KIF20B: variants seen among roughly 807,000 people sequenced by gnomAD.
KIF20B encodes kinesin-like protein KIF20B.
Under a neutral mutation model 232.5 loss-of-function variants are expected in KIF20B, and 188 were observed. That is an observed-to-expected ratio of 0.81 (90% CI 0.72 to 0.91). The LOEUF (loss-of-function observed/expected upper bound fraction) is 0.91, where lower values mean the gene tolerates loss of function less well. Among genes scored for constraint, KIF20B ranks in the 40% least tolerant of loss-of-function variants. The pLI, the probability that KIF20B is intolerant of heterozygous loss-of-function variation, is 0.00. For missense variants in KIF20B, 2,154 were observed against 2,055.9 expected, an observed-to-expected ratio of 1.05 and a Z score of -0.92; for synonymous variants, 712 against 683.0, an observed-to-expected ratio of 1.04 and a Z score of -0.66.
chr10:89,759,331 C>A (rs1278863701), intron 27 of KIF20B, among the ~76,000 whole-genome samples: 1 of 151,950 alleles, frequency 6.6e-6, no homozygotes, highest in East Asian at 1.9e-4. Context: ...ATGAGTCATT[C>A]AGCTGTTACT....
intron 7 of KIF20B, among the ~76,000 whole-genome samples, chr10:89,714,433 G>A (rs1269784684): frequency 6.6e-6 from 1 of 151,960 alleles, no homozygotes; most frequent in East Asian, 1.9e-4. Flanking sequence ...AGCCGAGATC[G>A]CGCCACTGCA....
chr10:89,751,285 TTAAGAAAAATTGGA>T (rs77314138), intron 23 of KIF20B, 47 bp from the exon 24 acceptor site: 42,121 of 1,343,468 alleles, frequency 0.031, 2,329 homozygotes, highest in African/African-American at 0.15. Flanking sequence ...TTAGAAGAAC[TTAAGAAAAATTGGA>T]TATCTAGAGG....
intron 29 of KIF20B, among the ~76,000 whole-genome samples, chr10:89,765,634 T>A (rs1842343515): frequency 6.6e-6 from 1 of 152,086 alleles, no homozygotes. Flanking sequence ...GACTTAACTA[T>A]ACTACAAGGC....
intron 2 of KIF20B, among the ~76,000 whole-genome samples, chr10:89,707,521 T>C (rs1205143807): frequency 6.6e-6 from 1 of 151,906 alleles, no homozygotes; most frequent in East Asian, 1.9e-4. Flanking sequence ...TTTTTTTCCT[T>C]TTCTTTCCCC....
intron 28 of KIF20B, among the ~76,000 whole-genome samples, chr10:89,761,828 A>G (rs1842247922): frequency 1.3e-5 from 2 of 152,190 alleles, no homozygotes; most frequent in Non-Finnish European, 2.9e-5. Context: ...TTCTCCATAA[A>G]TTTATGTATG....
At chr10:89,719,905 T>TA (rs1415114519) in intron 13 of KIF20B, among the ~76,000 whole-genome samples, 199 bp downstream of exon 13, 7 of 152,188 alleles carry the variant, frequency 4.6e-5, no homozygotes, top group Non-Finnish European at 7.4e-5. Flanking sequence ...ATTCTCCACT[T>TA]ACCATTTTAT....
intron 21 of KIF20B, among the ~76,000 whole-genome samples, chr10:89,742,993 G>A (rs1223190092): frequency 6.6e-6 from 1 of 152,118 alleles, no homozygotes; most frequent in African/African-American, 2.4e-5. Context: ...GAGCCACCAT[G>A]CCCGGCCTTC....
intron 19 of KIF20B, among the ~76,000 whole-genome samples, chr10:89,734,427 T>G (rs1841599937): frequency 6.6e-6 from 1 of 151,848 alleles, no homozygotes; most frequent in African/African-American, 2.4e-5. Context: ...ATGAAAGTGG[T>G]GGTGGGGGGT....
rs867043757 is a variant in KIF20B, at chr10:89,770,214, A to G, written c.5242+1326A>G. Among the ~76,000 whole-genome samples the G allele has an allele frequency of 1.4e-4, 22 of 152,142 alleles. 1 individual carries two copies. The highest frequency in any genetic ancestry group is 6.8e-3 in the Middle Eastern group (2 of 294). ...CTACCTTGGGCTATTGAGCATCACT[A>G]TTTTCCCTGAAGATTGAAAATATCC... is the stretch of plus-strand genomic sequence containing the variant. On this transcript the variant is annotated intron_variant, in intron 31 of 32. Transcript: ENST00000371728.
Position 89,754,611 on chromosome 10 carries a change from A to T in KIF20B, c.4441A>T (p.Asn1481Tyr), listed in dbSNP as rs1469736437. 6 of 1,605,786 alleles carry T rather than the reference A, an allele frequency of 3.7e-6. No individual in the cohort carries two copies. The highest frequency in any genetic ancestry group is 5.1e-6 in the Non-Finnish European group (6 of 1,176,468). Reference sequence around the variant, plus strand: ...AGCGAAAGAAGCAGAGAATATACGAAATAAAGAGATGAAAAAATATGCTGA... The same window carrying T: ...AGCGAAAGAAGCAGAGAATATACGATATAAAGAGATGAAAAAATATGCTGA... ...TQAKEAENIR[N>Y]KEMKKYAEDR... The change falls in exon 26 of 33, where the codon AAT (asparagine) becomes TAT (tyrosine). Residue 1481 changes from asparagine to tyrosine, a missense_variant. Asn to Tyr is a moderately radical substitution (Grantham distance 143). Transcript: ENST00000371728.
In KIF20B at chr10:89,749,135, T is replaced by C. The variant is rs140077807; in HGVS notation, c.4097-2211T>C. The stretch of plus-strand genomic sequence containing the variant: ...TACCACTTTTCTCTCAGAATGAGTC[T>C]CAGCCACTTTGGTAACTTGCCTGAT... On this transcript the variant is annotated intron_variant, in intron 23 of 32. Transcript: ENST00000371728. Among the ~76,000 whole-genome samples, 3 of 152,336 alleles carry C rather than the reference T, an allele frequency of 2.0e-5. No individual in the cohort carries two copies. The East Asian group carries it at 5.8e-4, about 29-fold the overall frequency.
intron 29 of KIF20B, among the ~76,000 whole-genome samples, chr10:89,765,357 T>C (rs1842334260): frequency 6.6e-6 from 1 of 152,088 alleles, no homozygotes; most frequent in South Asian, 2.1e-4. Flanking sequence ...CAAGAAGAAC[T>C]ACAAACCACT....
chr10:89,752,526 T>C (rs1842041623), intron 24 of KIF20B, 41 bp from the exon 25 acceptor site: 4 of 1,484,206 alleles, frequency 2.7e-6, no homozygotes, highest in Non-Finnish European at 3.6e-6. Flanking sequence ...GGTATAACTT[T>C]TGCATATGCT....
At chr10:89,722,755 G>A (rs1843092470) in intron 13 of KIF20B, among the ~76,000 whole-genome samples, 1 of 130,370 alleles carries the variant, frequency 7.7e-6, no homozygotes, top group Admixed American at 7.8e-5. Flanking sequence ...ATTATTTATT[G>A]TTTTACTCAG....
rs1841699273 is a variant in KIF20B at position 89,738,017 on chromosome 10, C to T, written c.3176C>T (p.Ala1059Val). 1 of 1,613,150 alleles carries T rather than the reference C, an allele frequency of 6.2e-7. No homozygotes were observed. Among genetic ancestry groups the T allele is most frequent in the Admixed American group, 1.7e-5 (1 of 59,976 alleles). ...AATTCTTTCCACTCTAGTATTGAAG[C>T]TATTTGGGAAGAATGTAAAGAGATT... ...RENSFHSSIE[A>V]IWEECKEIVK... is the part of the protein sequence containing the mutation. The change falls in exon 20 of 33, where the codon GCT becomes GTT. Residue 1059 changes from alanine to valine, a missense_variant. By Grantham distance (64) the Ala-to-Val change is moderately conservative. Coordinates refer to ENST00000371728, the MANE Select transcript of KIF20B (RefSeq NM_001284259.2).
rs1842910815 is a variant in KIF20B, at chr10:89,715,088, T to C, written c.846T>C (p.Tyr282=). The C allele has an allele frequency of 6.2e-7, 1 of 1,607,890 alleles. No individual in the cohort carries two copies. The highest frequency in any genetic ancestry group is 1.7e-5 in the Admixed American group (1 of 59,582). ...WVSFFEIYNE[Y]IYDLFVPVSS... is the part of the protein sequence containing the mutation. The stretch of plus-strand genomic sequence containing the variant: ...CTTTCTTTGAAATTTACAATGAATA[T>C]ATTTATGACTTATTTGTTCCTGTAT... Residue 282 remains tyrosine (Y), a synonymous_variant, in exon 8 of 33, where the codon TAT becomes TAC. Transcript: ENST00000371728.
At position 89,762,788 on chromosome 10, in the gene KIF20B, G is replaced by A. The variant is rs1842273009; in HGVS notation, c.4942G>A (p.Val1648Ile). ...KHPGCTTPVT[V>I]KIPKARKRKS... ...CCCTGGTTGTACCACACCAGTGACA[G>A]TTAAGATTCCCAAGGCTCGGAAGAG... Residue 1648 changes from valine (V) to isoleucine (I), a missense_variant, in exon 29 of 33, where the codon GTT becomes ATT. By Grantham distance (29) the Val-to-Ile change is conservative. Coordinates refer to ENST00000371728, the MANE Select transcript of KIF20B (RefSeq NM_001284259.2). 2 of 1,613,170 alleles carry A rather than the reference G, an allele frequency of 1.2e-6. No individual in the cohort carries two copies. Among genetic ancestry groups the A allele is most frequent in the Admixed American group, 3.3e-5 (2 of 59,882 alleles).
At chr10:89,712,850 A>G (rs1842861608) in intron 6 of KIF20B, among the ~76,000 whole-genome samples, 1 of 152,178 alleles carries the variant, frequency 6.6e-6, no homozygotes, top group African/African-American at 2.4e-5. Context: ...GTTTTTGTAA[A>G]TATTTTTACC....
chr10:89,725,248 GT>G, intron 15 of KIF20B, 90 bp downstream of exon 15: 1 of 1,153,426 alleles, frequency 8.7e-7, no homozygotes, highest in South Asian at 1.5e-5. Flanking sequence ...CACCAAGATA[GT>G]TTAGAATTAA....
Sources: allele counts gnomAD v4.1 joint callset (sites outside exome capture counted in the v4.1 genomes callset), GRCh38; gene constraint gnomAD v4.1.1; transcripts MANE v1.5; gene names NCBI Gene and HGNC (gene_info 2026-07-23, HGNC 2026-07-21).